DNAH1: variants seen among roughly 807,000 people sequenced by gnomAD.
The protein encoded by DNAH1 is dynein axonemal heavy chain 1.
A neutral mutation model predicts 484.3 loss-of-function variants in DNAH1; 327 were observed. The observed-to-expected ratio is 0.68, with a 90% CI of 0.62 to 0.74. The LOEUF (loss-of-function observed/expected upper bound fraction) is 0.74, where lower values mean the gene tolerates loss of function less well. DNAH1 is among the 30% of genes least tolerant of loss of function. The pLI is 0.00. For synonymous variants in DNAH1, 2,192 were observed against 2,191.9 expected (o/e 1.00, Z 0.00); for missense variants, 5,052 against 5,546.8 (o/e 0.91, Z 2.83).
intron 8 of DNAH1, 134 bp from the exon 9 acceptor site, chr3:52,344,356 G>A (rs1195168888): frequency 1.8e-6 from 2 of 1,084,260 alleles, no homozygotes; most frequent in African/African-American, 3.2e-5. Flanking sequence ...GCCGGGTGGG[G>A]GTGTGCCCAT....
Position 52,361,433 on chromosome 3 carries a change from C to T in DNAH1, c.4874+81C>T. ...GGGGAGGGCTAGGTGAGGGCAGTGC[C>T]TGAGAGGGGCCTCGAAGGATGGTGG... On this transcript the variant is annotated intron_variant, in intron 29 of 77. Coordinates refer to ENST00000420323, the MANE Select transcript of DNAH1 (RefSeq NM_015512.5). The surrounding 1 kb of genome is among the most constrained non-coding windows in gnomAD (Gnocchi z 5.6). The T allele has an allele frequency of 6.9e-7, 1 of 1,441,502 alleles. No homozygotes were observed. Among genetic ancestry groups the T allele is most frequent in the Non-Finnish European group, 9.3e-7 (1 of 1,079,410 alleles). The allele number at this position is 1,441,502 out of a possible 1,614,324, so 89.3% of individuals were successfully genotyped here.
intron 53 of DNAH1, 85 bp downstream of exon 53, chr3:52,385,062 G>A: frequency 6.9e-7 from 1 of 1,445,630 alleles, no homozygotes; most frequent in Non-Finnish European, 9.3e-7. Flanking sequence ...GTGACACCAT[G>A]CTCCGCCTTT....
chr3:52,370,284 T>A (rs1703277099), intron 39 of DNAH1, 55 bp downstream of exon 39: 1 of 1,590,982 alleles, frequency 6.3e-7, no homozygotes, highest in South Asian at 1.1e-5. Flanking sequence ...CACACTGCTC[T>A]CCTTGCTCTC....
chr3:52,339,830 G>GTA (rs1701869896), intron 8 of DNAH1, among the ~76,000 whole-genome samples: 1 of 151,448 alleles, frequency 6.6e-6, no homozygotes, highest in South Asian at 2.1e-4. Context: ...GTGTGTGTGT[G>GTA]TACACACGTG....
intron 27 of DNAH1, 36 bp downstream of exon 27, chr3:52,360,115 G>C: frequency 6.2e-7 from 1 of 1,612,872 alleles, no homozygotes; most frequent in South Asian, 1.1e-5. Context: ...GGCCAGAGCA[G>C]CTGCCAGGAA....
Position 52,394,550 on chromosome 3 carries a change from G to C in DNAH1, c.10712G>C (p.Trp3571Ser). 1 of 1,613,970 alleles carries C rather than the reference G, an allele frequency of 6.2e-7. No individual in the cohort carries two copies. Among genetic ancestry groups the C allele is most frequent in the Non-Finnish European group, 8.5e-7 (1 of 1,179,858 alleles). The change falls in exon 67 of 78, where the codon TGG becomes TCG. Residue 3571 changes from tryptophan to serine, a missense_variant. By Grantham distance (177) the Trp-to-Ser change is radical. Coordinates refer to ENST00000420323, the MANE Select transcript of DNAH1 (RefSeq NM_015512.5). Reference protein sequence around the residue: ...PAPDWLSDRAWRDILALSNLP... With the variant: ...PAPDWLSDRASRDILALSNLP... ...CCGGACTGGCTGTCAGACCGGGCTT[G>C]GCGAGACATCCTAGCACTCTCGAAC...
chr3:52,376,379 G>A (rs1258312273), intron 46 of DNAH1, among the ~76,000 whole-genome samples: 1 of 152,226 alleles, frequency 6.6e-6, no homozygotes, highest in Non-Finnish European at 1.5e-5. Context: ...TCTGCCCGTC[G>A]TCGCGGCAAG....
At chr3:52,367,202 G>A (rs1703121437) in intron 36 of DNAH1, among the ~76,000 whole-genome samples, 1 of 152,066 alleles carries the variant, frequency 6.6e-6, no homozygotes, top group Admixed American at 6.5e-5. Context: ...CCCTCTCCGG[G>A]CCCCTGCTCC....
rs1578159893 is a variant in DNAH1 at position 52,370,919 on chromosome 3, CA to C, written c.6525+95del. The C allele has an allele frequency of 2.5e-6, 3 of 1,198,998 alleles. No individual in the cohort carries two copies. The East Asian group carries it at 7.7e-5, about 31-fold the overall frequency. 74.3% of individuals were successfully genotyped at this position (1,198,998 alleles called of 1,614,324 possible). A position where few individuals can be genotyped will look rare whatever the true frequency, so the allele number is the denominator to read the frequency against. On this transcript the variant is annotated intron_variant, in intron 41 of 77. Transcript: ENST00000420323. ...ATTATGGCCACACAGGGAGCCGTCA[CA>C]TTGATGGCCACCAGGTCTCAGGCAG...
rs769431217 is a variant in DNAH1, at chr3:52,349,995, G to A, written c.2533G>A (p.Glu845Lys). 2.6e-5 allele frequency: 42 copies of A among 1,609,216 alleles called. No homozygotes were observed. Among genetic ancestry groups the A allele is most frequent in the East Asian group, 4.5e-5 (2 of 44,736 alleles). Residue 845 changes from glutamate to lysine, a missense_variant, in exon 15 of 78, where the codon GAG (glutamate) becomes AAG (lysine). This residue lies in a region of DNAH1 where 1,263 missense variants were observed against 1,218.8 expected (regional missense o/e 1.04). Transcript: ENST00000420323. ...CGCCTCCTCCCACTGCCAGATCTGC[G>A]AGGAGTTCCGCAGCATCAGCCGCAA... ...NLHKEVDSIC[E>K]EFRSISRKIY...
In DNAH1 at chr3:52,359,285, G is replaced by C. The variant is rs1409345539; in HGVS notation, c.4306G>C (p.Val1436Leu). The part of the protein sequence containing the change: ...TQWVLNWPGQ[V>L]TIAGCQTYWT... The stretch of plus-strand genomic sequence containing the variant: ...GTGGGTTCTGAACTGGCCTGGCCAG[G>C]TGACCATCGCTGGGTGCCAGACCTA... The change falls in exon 26 of 78, where the codon GTG (valine) becomes CTG (leucine). Residue 1436 changes from valine (V) to leucine (L), a missense_variant. This residue lies in a region of DNAH1 where 2,929 missense variants were observed against 3,409.4 expected (regional missense o/e 0.86). Coordinates refer to ENST00000420323, the MANE Select transcript of DNAH1 (RefSeq NM_015512.5). 1 of 1,569,040 alleles carries C rather than the reference G, an allele frequency of 6.4e-7. No individual in the cohort carries two copies. Among genetic ancestry groups the C allele is most frequent in the Admixed American group, 1.8e-5 (1 of 54,332 alleles).
chr3:52,331,117 G>T (rs1397120205), intron 6 of DNAH1, 31 bp from the exon 7 acceptor site: 6 of 1,561,922 alleles, frequency 3.8e-6, no homozygotes. Flanking sequence ...CATGGCGGGG[G>T]GCACTGGTGG....
chr3:52,349,448 GACCACAGCAGCACAC>G (rs767930503), intron 14 of DNAH1, 28 bp downstream of exon 14: 16 of 1,596,294 alleles, frequency 1.0e-5, no homozygotes, highest in Middle Eastern at 1.7e-4. Flanking sequence ...CCGCCTCAGT[GACCACAGCAGCACAC>G]ACCACAGCAG....
chr3:52,389,613 C>G, intron 60 of DNAH1, 27 bp downstream of exon 60: 24 of 1,409,164 alleles, frequency 1.7e-5, no homozygotes, highest in Non-Finnish European at 2.1e-5. Flanking sequence ...CAGGAGTGCC[C>G]AGGCAGGGCC....
intron 9 of DNAH1, among the ~76,000 whole-genome samples, chr3:52,345,169 A>T (rs867237112): frequency 6.6e-6 from 1 of 152,202 alleles, no homozygotes; most frequent in Admixed American, 6.5e-5. Context: ...GCCCCAGGGC[A>T]GGCTGTGGAC....
intron 52 of DNAH1, 111 bp from the exon 53 acceptor site, chr3:52,384,675 G>A (rs1247004066): frequency 4.5e-6 from 5 of 1,122,058 alleles, no homozygotes; most frequent in African/African-American, 1.6e-5. Context: ...GAGGCATGGA[G>A]GTTCCTGCTG....
intron 44 of DNAH1, chr3:52,373,806 A>C: frequency 7.0e-7 from 1 of 1,424,170 alleles, no homozygotes; most frequent in East Asian, 2.3e-5. Context: ...TATCACCCAT[A>C]ATTGGAATGT....
rs191909065 is a variant in DNAH1 at position 52,349,523 on chromosome 3, G to C, written c.2526+103G>C. 9 of 1,130,156 alleles carry C rather than the reference G, an allele frequency of 8.0e-6. No homozygotes were observed. In the Admixed American group the frequency reaches 1.9e-4, roughly 23 times the overall value. The allele number at this position is 1,130,156 out of a possible 1,614,324, so 70.0% of individuals were successfully genotyped here. On this transcript the variant is annotated intron_variant, in intron 14 of 77. Coordinates refer to ENST00000420323, the MANE Select transcript of DNAH1 (RefSeq NM_015512.5). ...GCAAGATGTCCCCAAGCAGGGTCTG[G>C]GGTGTCTGTGGATGCCCAGGCCAAG... is the stretch of plus-strand genomic sequence containing the variant.
chr3:52,359,208 C>T (rs373257984), intron 25 of DNAH1, 38 bp from the exon 26 acceptor site: 182 of 1,550,732 alleles, frequency 1.2e-4, no homozygotes, highest in Middle Eastern at 5.0e-4. Context: ...ATTGGGGCTG[C>T]GGCTGTCCAG....
Sources: allele counts gnomAD v4.1 joint callset (sites outside exome capture counted in the v4.1 genomes callset), GRCh38; gene constraint gnomAD v4.1.1; regional missense constraint gnomAD v4.1.1; non-coding constraint Gnocchi (gnomAD v3.1); transcripts MANE v1.5; gene names NCBI Gene and HGNC (gene_info 2026-07-23, HGNC 2026-07-21).